COL22A1: variants seen among roughly 807,000 people sequenced by gnomAD.
COL22A1 encodes collagen type XXII alpha 1 chain.
Under a neutral mutation model 248.9 loss-of-function variants are expected in COL22A1, and 221 were observed. The observed-to-expected ratio is 0.89, with a 90% CI of 0.80 to 0.99. COL22A1 has a LOEUF of 0.99. COL22A1 is among the 50% of genes least tolerant of loss of function. The pLI is 0.00. For synonymous variants in COL22A1, 891 were observed against 793.4 expected (o/e 1.12, Z -2.07); for missense variants, 2,240 against 2,179.0 (o/e 1.03, Z -0.56).
intron 49 of COL22A1, among the ~76,000 whole-genome samples, chr8:138,632,375 T>C (rs1820796053): frequency 6.6e-6 from 1 of 152,200 alleles, no homozygotes; most frequent in African/African-American, 2.4e-5. Context: ...ATGGAATTCA[T>C]GACACATAAG....
intron 22 of COL22A1, among the ~76,000 whole-genome samples, chr8:138,750,491 C>G (rs1180027745): frequency 6.6e-6 from 1 of 152,138 alleles, no homozygotes; most frequent in Non-Finnish European, 1.5e-5. Flanking sequence ...GGGGAGGCAA[C>G]CCCCTTAGAC....
chr8:138,843,586 G>A (rs1342455827), intron 4 of COL22A1, among the ~76,000 whole-genome samples: 3 of 152,152 alleles, frequency 2.0e-5, no homozygotes, highest in East Asian at 1.9e-4. Flanking sequence ...CCGCACCCTC[G>A]CAGCCTTCTA....
At chr8:138,865,565 G>GTGTA (rs1431798154) in intron 3 of COL22A1, among the ~76,000 whole-genome samples, 1 of 151,176 alleles carries the variant, frequency 6.6e-6, no homozygotes, top group Non-Finnish European at 1.5e-5. Context: ...GTGTATGTGT[G>GTGTA]TGTATGTATG....
chr8:138,750,962 T>C (rs1211567510), intron 22 of COL22A1, among the ~76,000 whole-genome samples: 2 of 151,786 alleles, frequency 1.3e-5, no homozygotes, highest in African/African-American at 4.8e-5. Context: ...TGGTGAATTA[T>C]ACCCTTATGG....
chr8:138,690,969 G>T, intron 35 of COL22A1, 95 bp from the exon 36 acceptor site: 2 of 964,434 alleles, frequency 2.1e-6, no homozygotes, highest in Non-Finnish European at 3.0e-6. Flanking sequence ...TCAATTCACC[G>T]CAATGTGCTG....
intron 41 of COL22A1, among the ~76,000 whole-genome samples, chr8:138,669,969 T>C (rs13269650): frequency 0.67 from 100,164 of 149,696 alleles, 34,091 homozygotes; most frequent in Middle Eastern, 0.75. Context: ...TCACTGCAAC[T>C]TCCACCTCCC....
rs531939536 is a variant in COL22A1, at chr8:138,893,445, C to T, written c.-72-10201G>A. On this transcript the variant is annotated intron_variant, in intron 1 of 64. Coordinates refer to ENST00000303045, the MANE Select transcript of COL22A1 (RefSeq NM_152888.3). The stretch of plus-strand genomic sequence containing the variant: ...TTGTTGGGTTTAATTAAACGAGTTA[C>T]GATATATAAAAAGCCTAAAATGTAC... 1.1e-4 allele frequency among the ~76,000 whole-genome samples: 17 copies of T among 152,226 alleles called. No homozygotes were observed. In the South Asian group the frequency reaches 1.2e-3, roughly 11 times the overall value.
intron 4 of COL22A1, among the ~76,000 whole-genome samples, chr8:138,838,760 G>A (rs1320149885): frequency 6.6e-6 from 1 of 151,922 alleles, no homozygotes; most frequent in Non-Finnish European, 1.5e-5. Context: ...TGTGATGCAA[G>A]GCACTGTGAG....
intron 5 of COL22A1, among the ~76,000 whole-genome samples, chr8:138,828,575 C>G (rs939750577): frequency 1.3e-5 from 2 of 152,056 alleles, no homozygotes; most frequent in African/African-American, 4.8e-5. Flanking sequence ...AAATACATAT[C>G]TTTTGAGAGC....
At chr8:138,806,678 G>C (rs1817757624) in intron 10 of COL22A1, among the ~76,000 whole-genome samples, 1 of 152,138 alleles carries the variant, frequency 6.6e-6, no homozygotes, top group Non-Finnish European at 1.5e-5. Flanking sequence ...CATTCAACAA[G>C]AAGGGACCAC....
intron 16 of COL22A1, among the ~76,000 whole-genome samples, chr8:138,764,444 A>C (rs1170481056): frequency 2.0e-5 from 3 of 152,238 alleles, no homozygotes; most frequent in Non-Finnish European, 4.4e-5. Context: ...GCAGGAAACC[A>C]GTGAATCACT....
intron 60 of COL22A1, among the ~76,000 whole-genome samples, chr8:138,599,257 A>T (rs534042995): frequency 6.6e-6 from 1 of 152,082 alleles, no homozygotes; most frequent in East Asian, 1.9e-4. Context: ...CAGGCAGATC[A>T]CGAGGTCAGG....
intron 16 of COL22A1, among the ~76,000 whole-genome samples, chr8:138,769,929 C>G (rs1234553526): frequency 2.0e-5 from 3 of 152,162 alleles, no homozygotes; most frequent in Non-Finnish European, 4.4e-5. Context: ...TTGTTAATTG[C>G]TTAGGGACCT....
chr8:138,591,817 C>CAT (rs1817078282), intron 63 of COL22A1, among the ~76,000 whole-genome samples: 1 of 152,158 alleles, frequency 6.6e-6, no homozygotes, highest in Admixed American at 6.5e-5. Flanking sequence ...TCCATACAGA[C>CAT]ATATATATAT....
At chr8:138,885,904 A>C (rs1824631297) in intron 1 of COL22A1, among the ~76,000 whole-genome samples, 1 of 152,236 alleles carries the variant, frequency 6.6e-6, no homozygotes, top group African/African-American at 2.4e-5. Context: ...GCATTTCTTC[A>C]AACAGATTTA....
At chr8:138,693,594 G>A (rs1274233020) in intron 35 of COL22A1, 52 bp downstream of exon 35, 9 of 1,533,392 alleles carry the variant, frequency 5.9e-6, no homozygotes, top group East Asian at 4.9e-5. Flanking sequence ...GACACTGGGC[G>A]GGGCCTCCCT....
intron 47 of COL22A1, among the ~76,000 whole-genome samples, chr8:138,643,997 A>T (rs1055188290): frequency 1.3e-5 from 2 of 152,076 alleles, no homozygotes; most frequent in East Asian, 1.9e-4. Flanking sequence ...GGCCAGGCTG[A>T]TCTTGAACTC....
chr8:138,616,858 G>C (rs1301120769), intron 54 of COL22A1, 56 bp downstream of exon 54: 15 of 1,596,760 alleles, frequency 9.4e-6, no homozygotes, highest in Non-Finnish European at 1.3e-5. Context: ...TCTTCTGTCT[G>C]GGAAGTGTAA....
chr8:138,661,315 T>A (rs556317268), intron 43 of COL22A1, among the ~76,000 whole-genome samples: 1 of 152,344 alleles, frequency 6.6e-6, no homozygotes, highest in South Asian at 2.1e-4. Context: ...ATTTTGTTGT[T>A]CCTGCTTATA....
Sources: allele counts gnomAD v4.1 joint callset (sites outside exome capture counted in the v4.1 genomes callset), GRCh38; gene constraint gnomAD v4.1.1; transcripts MANE v1.5; gene names NCBI Gene and HGNC (gene_info 2026-07-23, HGNC 2026-07-21).